MEF2A: variants seen among roughly 807,000 people sequenced by gnomAD.
The protein encoded by MEF2A is myocyte-specific enhancer factor 2A.
In MEF2A, 28 loss-of-function variants were observed where a neutral mutation model predicts 55.8. The ratio of observed to expected loss-of-function variants is 0.50; its 90% CI spans 0.37 to 0.69. The LOEUF is 0.69. MEF2A is among the 30% of genes least tolerant of loss of function. The probability of loss-of-function intolerance (pLI) is 0.00; values close to 1 mark genes in which losing one functional copy is unlikely to be tolerated. For missense variants in MEF2A, 528 were observed against 626.2 expected, an observed-to-expected ratio of 0.84 and a Z score of 1.67; for synonymous variants, 239 against 227.1, an observed-to-expected ratio of 1.05 and a Z score of -0.47.
intron 3 of MEF2A, among the ~76,000 whole-genome samples, chr15:99,636,289 C>T (rs1397252999): frequency 6.6e-6 from 1 of 152,024 alleles, no homozygotes; most frequent in East Asian, 1.9e-4. Context: ...GTGTTTTGTC[C>T]ATGATATGCA....
intron 1 of MEF2A, among the ~76,000 whole-genome samples, chr15:99,569,312 C>T (rs868810558): frequency 6.6e-5 from 10 of 152,240 alleles, no homozygotes; most frequent in East Asian, 1.9e-4. Context: ...TGCATCCCTT[C>T]TGGCTTTTGT....
chr15:99,608,841 C>T (rs185748727), intron 2 of MEF2A, among the ~76,000 whole-genome samples: 4 of 151,454 alleles, frequency 2.6e-5, no homozygotes, highest in Admixed American at 2.6e-4. Context: ...GTGGAGGTTG[C>T]AGTGAGTTGA....
intron 4 of MEF2A, among the ~76,000 whole-genome samples, chr15:99,668,938 C>T (rs150987783): frequency 6.6e-6 from 1 of 152,264 alleles, no homozygotes; most frequent in African/African-American, 2.4e-5. Context: ...GGTACATTAG[C>T]TTATTATCTA....
intron 1 of MEF2A, among the ~76,000 whole-genome samples, chr15:99,568,333 T>C (rs557154028): frequency 3.3e-5 from 5 of 152,334 alleles, no homozygotes; most frequent in Non-Finnish European, 5.9e-5. Context: ...CAAGGATTTT[T>C]TTTTGTAAAT....
At chr15:99,686,875 C>T (rs1038802120) in intron 7 of MEF2A, among the ~76,000 whole-genome samples, 3 of 151,744 alleles carry the variant, frequency 2.0e-5, no homozygotes, top group African/African-American at 4.8e-5. Context: ...GGCTGTTTAG[C>T]GTAATCTCAA....
intron 2 of MEF2A, among the ~76,000 whole-genome samples, chr15:99,611,532 A>T (rs1977292313): frequency 6.6e-6 from 1 of 152,214 alleles, no homozygotes; most frequent in Non-Finnish European, 1.5e-5. Flanking sequence ...TAAGTGTTGG[A>T]GAGAATGTGG....
At chr15:99,595,444 T>G (rs902884015) in intron 1 of MEF2A, among the ~76,000 whole-genome samples, 3 of 152,108 alleles carry the variant, frequency 2.0e-5, no homozygotes, top group Non-Finnish European at 2.9e-5. Context: ...CCTTGTACTA[T>G]AGGTCTCCCC....
At chr15:99,585,429 CTATTTA>C (rs1479411604) in intron 1 of MEF2A, among the ~76,000 whole-genome samples, 9 of 152,060 alleles carry the variant, frequency 5.9e-5, no homozygotes, top group Non-Finnish European at 8.8e-5. Context: ...GAATTAGTAT[CTATTTA>C]TATGTTTTGA....
intron 1 of MEF2A, among the ~76,000 whole-genome samples, chr15:99,594,926 T>C (rs1970661482): frequency 6.6e-6 from 1 of 152,238 alleles, no homozygotes; most frequent in African/African-American, 2.4e-5. Context: ...ATGTACAACG[T>C]ATATCTGAAC....
intron 2 of MEF2A, among the ~76,000 whole-genome samples, chr15:99,632,565 G>A (rs371575370): frequency 1.3e-5 from 2 of 152,216 alleles, no homozygotes; most frequent in African/African-American, 4.8e-5. Flanking sequence ...GTGACCTTGG[G>A]CGTATTGCTT....
chr15:99,707,525 T>G (rs2058167198), intron 10 of MEF2A, among the ~76,000 whole-genome samples: 1 of 152,182 alleles, frequency 6.6e-6, no homozygotes, highest in African/African-American at 2.4e-5. Flanking sequence ...TTTAAGAATA[T>G]TACAGTGATC....
chr15:99,699,074 A>G (rs2056963350), intron 8 of MEF2A, among the ~76,000 whole-genome samples: 1 of 146,622 alleles, frequency 6.8e-6, no homozygotes, highest in Non-Finnish European at 1.5e-5. Flanking sequence ...AAAAAAACAA[A>G]AAAAACTTGC....
At chr15:99,627,510 TACCCTGTTTCTTA>T (rs2042244192) in intron 2 of MEF2A, among the ~76,000 whole-genome samples, 1 of 145,974 alleles carries the variant, frequency 6.9e-6, no homozygotes, top group Non-Finnish European at 1.5e-5. Flanking sequence ...TATATAGGCA[TACCCTGTTTCTTA>T]GCTGAAGTTT....
At chr15:99,622,960 A>G (rs1259045000) in intron 2 of MEF2A, among the ~76,000 whole-genome samples, 1 of 151,916 alleles carries the variant, frequency 6.6e-6, no homozygotes, top group Non-Finnish European at 1.5e-5. Flanking sequence ...TCGGCCTCCC[A>G]AAGTGTTGGG....
intron 1 of MEF2A, among the ~76,000 whole-genome samples, chr15:99,586,266 A>G (rs1967218917): frequency 6.6e-6 from 1 of 152,154 alleles, no homozygotes; most frequent in Non-Finnish European, 1.5e-5. Context: ...CTGTTTTCCA[A>G]AGTAGTTGTA....
At chr15:99,711,761 T>C (rs144461333) in intron 11 of MEF2A, among the ~76,000 whole-genome samples, 110 of 152,300 alleles carry the variant, frequency 7.2e-4, no homozygotes, top group African/African-American at 2.6e-3. Flanking sequence ...CAGCAGAGTA[T>C]CTCAGGGAAA....
chr15:99,616,139 T>C (rs1005877372), intron 2 of MEF2A, among the ~76,000 whole-genome samples: 4 of 152,152 alleles, frequency 2.6e-5, no homozygotes, highest in African/African-American at 9.7e-5. Flanking sequence ...AGATTGAATT[T>C]AGAGAACAAA....
At position 99,712,551 on chromosome 15, in the gene MEF2A, C is replaced by A. The variant is rs1487767106; in HGVS notation, c.1298C>A (p.Pro433Gln). 6.5e-7 allele frequency: 1 copy of A among 1,550,248 alleles called. No individual in the cohort carries two copies. The highest frequency in any genetic ancestry group is 8.7e-7 in the Non-Finnish European group (1 of 1,146,302). Reference protein sequence around the residue: ...QQQQQQPPPPPQPQPQPPQPQ... With the variant: ...QQQQQQPPPPQQPQPQPPQPQ... ...CAGCAGCAGCAGCCGCCGCCACCAC[C>A]GCAGCCCCAGCCACAACCCCCGCAG... Residue 433 changes from proline to glutamine, a missense_variant, in exon 12 of 12, where the codon CCG (proline) becomes CAG (glutamine). Coordinates refer to ENST00000557942, the MANE Select transcript of MEF2A (RefSeq NM_001319206.4). This position sits in a 1 kb window ranked among gnomAD's most constrained non-coding sequence, Gnocchi z 4.1.
Position 99,601,833 on chromosome 15 carries a change from GTGTGTGTGTGTGTGTGTGTGTGTGTC to G in MEF2A, c.-143+3323_-143+3348del, listed in dbSNP as rs955716454. 9.8e-4 allele frequency among the ~76,000 whole-genome samples: 123 copies of G among 125,576 alleles called. 1 individual carries two copies. Among genetic ancestry groups the G allele is most frequent in the Non-Finnish European group, 3.9e-4 (21 of 54,358 alleles). 82.4% of individuals were successfully genotyped at this position (125,576 alleles called of 152,430 possible). A position where few individuals can be genotyped will look rare whatever the true frequency, so the allele number is the denominator to read the frequency against. On this transcript the variant is annotated intron_variant, in intron 2 of 11. Transcript: ENST00000557942. ...TGTGTGTGTGTGTGTGTGTGTGTGT[GTGTGTGTGTGTGTGTGTGTGTGTGTC>G]AGGGTAATGCTGGTCTCAGAATGAG...
Sources: gnomAD v4.1 joint callset for allele counts (sites outside exome capture counted in the v4.1 genomes callset) on GRCh38, gnomAD v4.1.1 for gene constraint, Gnocchi (gnomAD v3.1) non-coding constraint, MANE v1.5 for transcripts, NCBI Gene and HGNC (gene_info 2026-07-23, HGNC 2026-07-21) for gene names.